The following ASAP3 variants were observed in gnomAD, a reference collection of about 807,000 sequenced individuals.
ASAP3 encodes the protein arf-GAP with SH3 domain, ANK repeat and PH domain-containing protein 3.
ASAP3 carries 85 observed loss-of-function variants against 118.2 expected under a neutral mutation model. The observed-to-expected ratio is 0.72, with a 90% CI of 0.60 to 0.86. The LOEUF is 0.86. Ranked by LOEUF, ASAP3 falls within the 40% of genes least tolerant of loss-of-function variation. The pLI is 0.00. For synonymous variants in ASAP3, 432 were observed against 477.4 expected, an observed-to-expected ratio of 0.90 and a Z score of 1.24; for missense variants, 1,026 against 1,175.0, an observed-to-expected ratio of 0.87 and a Z score of 1.85.
chr1:23,462,616 G>A (rs113626135), intron 1 of ASAP3, among the ~76,000 whole-genome samples: 2,694 of 151,976 alleles, frequency 0.018, 83 homozygotes, highest in African/African-American at 0.061. Context: ...AAAATTAGCC[G>A]GGCATGGTGG....
chr1:23,436,696 G>A lies in ASAP3; in HGVS notation c.1477-42C>T, dbSNP rs372522961. On this transcript the variant is annotated intron_variant, in intron 15 of 24. Transcript: ENST00000336689. This position sits in a 1 kb window ranked among gnomAD's most constrained non-coding sequence, Gnocchi z 4.2. ...ATAGACGTGGGGCGGAGTAAGACCG[G>A]GCGGTTAAGCCTGCATAGGGTGGAG... 4.8e-4 allele frequency: 766 copies of A among 1,611,520 alleles called. 2 individuals carry two copies. Among genetic ancestry groups the A allele is most frequent in the Non-Finnish European group, 4.4e-4 (519 of 1,177,842 alleles).
At chr1:23,460,581 A>AATACTGAC (rs1007057602) in intron 1 of ASAP3, among the ~76,000 whole-genome samples, 2 of 152,116 alleles carry the variant, frequency 1.3e-5, no homozygotes, top group Non-Finnish European at 2.9e-5. Flanking sequence ...CCAAAACACA[A>AATACTGAC]ATACTGACAA....
At chr1:23,465,479 C>G (rs994927962) in intron 1 of ASAP3, among the ~76,000 whole-genome samples, 2 of 152,074 alleles carry the variant, frequency 1.3e-5, no homozygotes, top group East Asian at 1.9e-4. Context: ...AGTGGCAGAG[C>G]TGTAACTTTT....
chr1:23,429,985 G>T, intron 24 of ASAP3, 55 bp from the exon 25 acceptor site: 1 of 1,431,334 alleles, frequency 7.0e-7, no homozygotes, highest in Non-Finnish European at 9.8e-7. Context: ...CATACCAGGT[G>T]TTCATCTCAC....
chr1:23,437,251 A>C lies in ASAP3; in HGVS notation c.1221T>G (p.Ala407=). 6.3e-7 allele frequency: 1 copy of C among 1,592,116 alleles called. No homozygotes were observed. Among genetic ancestry groups the C allele is most frequent in the Non-Finnish European group, 8.6e-7 (1 of 1,169,588 alleles). ...CGGCGGACCCCCAGGACCCCGGGCC[A>C]GCGCTGGGCTCCCCGAGGAAGGCGC... ...LSSAFLGEPS[A]GPGSWGSAGH... The change falls in exon 14 of 25, where the codon GCT becomes GCG. Residue 407 remains alanine, a synonymous_variant. Transcript: ENST00000336689. This position sits in a 1 kb window ranked among gnomAD's most constrained non-coding sequence, Gnocchi z 6.1.
rs199844906 is a variant in ASAP3 at position 23,434,654 on chromosome 1, C to G, written c.1750-36G>C. 193 of 1,589,852 alleles carry G rather than the reference C, an allele frequency of 1.2e-4. 1 individual carries two copies. Among genetic ancestry groups the G allele is most frequent in the African/African-American group, 9.0e-4 (65 of 72,534 alleles). The stretch of plus-strand genomic sequence containing the variant: ...ATCCACACCTCTGAGATTCCCCCCC[C>G]AGTGCACCTGCCTCCAACCCAGTAT... On this transcript the variant is annotated intron_variant, in intron 17 of 24. Transcript: ENST00000336689.
chr1:23,477,925 G>T (rs554161088), intron 1 of ASAP3, among the ~76,000 whole-genome samples: 1 of 152,270 alleles, frequency 6.6e-6, no homozygotes, highest in African/African-American at 2.4e-5. Flanking sequence ...CCAGAAGACT[G>T]TAAGGTCCAC....
chr1:23,445,455 C>T (rs1169681435), intron 5 of ASAP3, among the ~76,000 whole-genome samples: 2 of 151,502 alleles, frequency 1.3e-5, no homozygotes, highest in African/African-American at 4.9e-5. Flanking sequence ...TGTGCCACTG[C>T]ACTCCAGCCT....
At chr1:23,461,181 A>G (rs911202560) in intron 1 of ASAP3, among the ~76,000 whole-genome samples, 1 of 152,194 alleles carries the variant, frequency 6.6e-6, no homozygotes, top group Non-Finnish European at 1.5e-5. Context: ...CAACACTAAG[A>G]GTGAACCCTA....
chr1:23,433,949 G>A (rs368157441), intron 19 of ASAP3, among the ~76,000 whole-genome samples: 11 of 152,332 alleles, frequency 7.2e-5, no homozygotes, highest in African/African-American at 2.6e-4. Context: ...TTGTCCCATT[G>A]CCAGGCATAT....
rs200583061 is a variant in ASAP3, at chr1:23,455,977, G to C, written c.252C>G (p.Gly84=). ...EQYREAVESL[G]NSHLSQNSHE... The stretch of plus-strand genomic sequence containing the variant: ...GGCTGTTCTGGGACAGGTGGCTGTT[G>C]CCTAAGGATTCCACGGCCTCTCGGT... Residue 84 remains glycine (G), a synonymous_variant, in exon 3 of 25, where the codon GGC becomes GGG. Coordinates refer to ENST00000336689, the MANE Select transcript of ASAP3 (RefSeq NM_017707.4). 307 of 1,614,150 alleles carry C rather than the reference G, an allele frequency of 1.9e-4. 1 individual carries two copies. In the South Asian group the frequency reaches 3.2e-3, roughly 17 times the overall value.
chr1:23,484,222 G>T, upstream of ASAP3: 2 of 1,178,746 alleles, frequency 1.7e-6, no homozygotes, highest in Non-Finnish European at 2.1e-6. Context: ...GGCCGGGGGC[G>T]CCGTCCCGGC....
In ASAP3 at chr1:23,440,970, T is replaced by C. The variant is rs1008830999; in HGVS notation, c.944+132A>G. The C allele has an allele frequency of 7.7e-6, 6 of 780,670 alleles. No homozygotes were observed. In the Admixed American group the frequency reaches 1.3e-4, roughly 16 times the overall value. 48.4% of individuals were successfully genotyped at this position (780,670 alleles called of 1,614,324 possible). On this transcript the variant is annotated intron_variant, in intron 10 of 24. Transcript: ENST00000336689. The stretch of plus-strand genomic sequence containing the variant: ...CCAGGTGTCCTGGACAACCCAGGAA[T>C]TGAGGATTTTACATTGCAACCCTCG...
chr1:23,439,066 C>A, intron 11 of ASAP3, 95 bp downstream of exon 11: 1 of 1,483,222 alleles, frequency 6.7e-7, no homozygotes, highest in Non-Finnish European at 9.3e-7. Flanking sequence ...GGTTTGGGGG[C>A]CAGTCTTAGA....
chr1:23,454,001 A>C (rs1641305209), intron 3 of ASAP3, among the ~76,000 whole-genome samples: 1 of 152,094 alleles, frequency 6.6e-6, no homozygotes, highest in African/African-American at 2.4e-5. Context: ...AAAGAAGGAC[A>C]CTAATTCAAT....
At position 23,456,238 on chromosome 1, in the gene ASAP3, A is replaced by G. The variant is rs200068333; in HGVS notation, c.130-44T>C. ...AGAGGTTCAGGGATGCCAAGCTGGA[A>G]TAGGGTGCTTCCTTCAGGAACGCTG... On this transcript the variant is annotated intron_variant, in intron 1 of 24. Coordinates refer to ENST00000336689, the MANE Select transcript of ASAP3 (RefSeq NM_017707.4). 1.9e-5 allele frequency: 30 copies of G among 1,583,154 alleles called. No homozygotes were observed. The East Asian group carries it at 6.7e-4, about 36-fold the overall frequency.
intron 1 of ASAP3, among the ~76,000 whole-genome samples, chr1:23,483,036 TACAA>T (rs1476079155): frequency 6.6e-6 from 1 of 151,996 alleles, no homozygotes; most frequent in Non-Finnish European, 1.5e-5. Flanking sequence ...TACAAAGTGA[TACAA>T]ACAGACTCCG....
At chr1:23,445,699 G>A (rs1001890959) in intron 5 of ASAP3, among the ~76,000 whole-genome samples, 1 of 152,196 alleles carries the variant, frequency 6.6e-6, no homozygotes, top group Non-Finnish European at 1.5e-5. Flanking sequence ...TTGGCCAGGT[G>A]CAGTGGCTCA....
At chr1:23,434,105 G>C (rs1452212276) in intron 19 of ASAP3, 149 bp downstream of exon 19, 1 of 726,742 alleles carries the variant, frequency 1.4e-6, no homozygotes, top group African/African-American at 1.8e-5. Context: ...TTACAGATGA[G>C]GAAGCTGAAA....
Sources: gnomAD v4.1 joint callset for allele counts (sites outside exome capture counted in the v4.1 genomes callset) on GRCh38, gnomAD v4.1.1 for gene constraint, Gnocchi (gnomAD v3.1) non-coding constraint, MANE v1.5 for transcripts, NCBI Gene and HGNC (gene_info 2026-07-23, HGNC 2026-07-21) for gene names.